SLC43A2: variants seen among roughly 807,000 people sequenced by gnomAD.
SLC43A2 encodes solute carrier family 43 member 2.
SLC43A2 carries 38 observed loss-of-function variants against 63.2 expected under a neutral mutation model. The ratio of observed to expected loss-of-function variants is 0.60; its 90% confidence interval spans 0.46 to 0.79. The LOEUF (loss-of-function observed/expected upper bound fraction) is 0.79. SLC43A2 is among the 30% of genes least tolerant of loss of function. The pLI, the probability that SLC43A2 is intolerant of heterozygous loss-of-function variation, is 0.00. For missense variants in SLC43A2, 644 were observed against 756.2 expected, an observed-to-expected ratio of 0.85 and a Z score of 1.74; for synonymous variants, 322 against 331.0, an observed-to-expected ratio of 0.97 and a Z score of 0.30.
Position 1,616,541 on chromosome 17 carries a change from C to CA in SLC43A2, c.368+20_368+21insT. ...GGGGTCCACCTGCCCACTCCCTGCC[C>CA]CCTAAGGGACCCACACTGACCTGCC... On this transcript the variant is annotated intron_variant, in intron 3 of 13. Transcript: ENST00000301335. The CA allele has an allele frequency of 1.9e-6, 3 of 1,595,276 alleles. No individual in the cohort carries two copies. In the East Asian group the frequency reaches 6.8e-5, roughly 36 times the overall value.
In SLC43A2 at chr17:1,621,311, G is replaced by A. The variant is rs554170705; in HGVS notation, c.161-4542C>T. Among the ~76,000 whole-genome samples the A allele has an allele frequency of 4.6e-5, 7 of 152,276 alleles. No homozygotes were observed. The East Asian group carries it at 9.7e-4, about 21-fold the overall frequency. ...GCTTGAGGGGGCCAAGAAGTACCTGGCTTGAGGTCCCCTCTAAATTCCTGA... is the reference window on the plus strand; with the variant it reads ...GCTTGAGGGGGCCAAGAAGTACCTGACTTGAGGTCCCCTCTAAATTCCTGA... On this transcript the variant is annotated intron_variant, in intron 2 of 13. Coordinates refer to ENST00000301335, the MANE Select transcript of SLC43A2 (RefSeq NM_152346.3).
At chr17:1,591,072 G>T in intron 8 of SLC43A2, 124 bp from the exon 9 acceptor site, 3 of 1,286,044 alleles carry the variant, frequency 2.3e-6, no homozygotes. Context: ...TGAGGGTAAC[G>T]GGGTTGGCGC....
In SLC43A2 at chr17:1,578,353, A is replaced by G. The variant is rs188015639; in HGVS notation, c.1351-30T>C. On this transcript the variant is annotated intron_variant, in intron 11 of 13. Transcript: ENST00000301335. The surrounding 1 kb of genome is among the most constrained non-coding windows in gnomAD (Gnocchi z 6.5). ...GGGAGGAAAAGGCGACTGTGGGCAT[A>G]AGGCCTTAAGGGACCGTCCCCTCAG... is the stretch of plus-strand genomic sequence containing the variant. 5 of 1,608,790 alleles carry G rather than the reference A, an allele frequency of 3.1e-6. No individual in the cohort carries two copies. Among genetic ancestry groups the G allele is most frequent in the Non-Finnish European group, 4.3e-6 (5 of 1,176,450 alleles).
Position 1,593,468 on chromosome 17 carries a change from A to T in SLC43A2, c.502-189T>A, listed in dbSNP as rs1905007004. Among the ~76,000 whole-genome samples the T allele has an allele frequency of 6.6e-6, 1 of 152,108 alleles. No individual in the cohort carries two copies. Among genetic ancestry groups the T allele is most frequent in the Admixed American group, 6.6e-5 (1 of 15,258 alleles). ...GTTTCTCCTTCATGGACTGAGGCTG[A>T]TGGGGCCAAGGAGGGAGGTAATGCA... On this transcript the variant is annotated intron_variant, in intron 5 of 13. Coordinates refer to ENST00000301335, the MANE Select transcript of SLC43A2 (RefSeq NM_152346.3). This position sits in a 1 kb window ranked among gnomAD's most constrained non-coding sequence, Gnocchi z 5.3.
rs947128056 is a variant in SLC43A2, at chr17:1,616,890, C to T, written c.161-121G>A. The T allele has an allele frequency of 3.3e-5, 38 of 1,134,476 alleles. No homozygotes were observed. The African/African-American group carries it at 3.8e-4, about 11-fold the overall frequency. 70.3% of individuals were successfully genotyped at this position (1,134,476 alleles called of 1,614,324 possible). On this transcript the variant is annotated intron_variant, in intron 2 of 13. Coordinates refer to ENST00000301335, the MANE Select transcript of SLC43A2 (RefSeq NM_152346.3). ...GAATGCCAGGGCTGGCTGGCGGCCTCTCGAGGGCTCAGGCTACCCCGCAGC... is the reference window on the plus strand; with the variant it reads ...GAATGCCAGGGCTGGCTGGCGGCCTTTCGAGGGCTCAGGCTACCCCGCAGC...
intron 2 of SLC43A2, among the ~76,000 whole-genome samples, chr17:1,620,632 G>A (rs72820357): frequency 0.24 from 36,123 of 151,934 alleles, 5,633 homozygotes; most frequent in Non-Finnish European, 0.36. Flanking sequence ...CAACAGAGGC[G>A]CCTGGGGCCG....
chr17:1,627,930 G>C lies in SLC43A2; in HGVS notation c.-46-10C>G. The C allele has an allele frequency of 7.1e-7, 1 of 1,415,972 alleles. No individual in the cohort carries two copies. Among genetic ancestry groups the C allele is most frequent in the Non-Finnish European group, 9.2e-7 (1 of 1,088,684 alleles). 87.7% of individuals were successfully genotyped at this position (1,415,972 alleles called of 1,614,324 possible). A position where few individuals can be genotyped will look rare whatever the true frequency, so the allele number is the denominator to read the frequency against. ...TCCGGCTCTGCACCACCTGCGCACAGAACTCGGCGTCAGCGGCCGGCCCTT... is the reference window on the plus strand; with the variant it reads ...TCCGGCTCTGCACCACCTGCGCACACAACTCGGCGTCAGCGGCCGGCCCTT... On this transcript the variant is annotated splice_polypyrimidine_tract_variant and intron_variant, in intron 1 of 13. Transcript: ENST00000301335.
At chr17:1,613,686 C>T (rs181211846) in intron 4 of SLC43A2, among the ~76,000 whole-genome samples, 102 of 152,334 alleles carry the variant, frequency 6.7e-4, no homozygotes, top group Non-Finnish European at 1.1e-3. Flanking sequence ...ATCTGCCGAT[C>T]TCAGCCTCCC....
rs188441638 is a variant in SLC43A2, at chr17:1,612,088, C to T, written c.501+1107G>A. On this transcript the variant is annotated intron_variant, in intron 5 of 13. Coordinates refer to ENST00000301335, the MANE Select transcript of SLC43A2 (RefSeq NM_152346.3). ...CCAGCAATTCTCCCGCCTCAGCCTC[C>T]GAGTAGCTGGGATTACAGGCATGCA... 5.4e-3 allele frequency among the ~76,000 whole-genome samples: 819 copies of T among 152,188 alleles called. 7 individuals carry two copies. Among genetic ancestry groups the T allele is most frequent in the African/African-American group, 0.019 (780 of 41,516 alleles).
At chr17:1,627,261 A>C (rs1908739824) in intron 2 of SLC43A2, among the ~76,000 whole-genome samples, 1 of 152,158 alleles carries the variant, frequency 6.6e-6, no homozygotes, top group South Asian at 2.1e-4. Context: ...TAGATTCTAG[A>C]TGAGCCCTCC....
In SLC43A2 at chr17:1,575,287, C is replaced by A; in HGVS notation, c.*317G>T. On this transcript the variant is annotated 3_prime_UTR_variant, in exon 14 of 14. Coordinates refer to ENST00000301335, the MANE Select transcript of SLC43A2 (RefSeq NM_152346.3). The stretch of plus-strand genomic sequence containing the variant: ...TTTGGCAAGAGGCAGAATCCAGACA[C>A]TGGCGGGAGAGCGCCTGCCTGCCGG... The A allele has an allele frequency of 2.2e-6, 1 of 453,274 alleles. No individual in the cohort carries two copies. The highest frequency in any genetic ancestry group is 4.0e-6 in the Non-Finnish European group (1 of 248,870). 28.1% of individuals were successfully genotyped at this position (453,274 alleles called of 1,614,324 possible).
intron 2 of SLC43A2, among the ~76,000 whole-genome samples, chr17:1,618,160 C>T (rs1907849019): frequency 1.3e-5 from 2 of 152,244 alleles, no homozygotes; most frequent in Admixed American, 1.3e-4. Flanking sequence ...TGGACTCGTG[C>T]TTCATGCCAA....
Position 1,616,721 on chromosome 17 carries a change from T to G in SLC43A2, c.209A>C (p.Glu70Ala). 1 of 1,614,138 alleles carries G rather than the reference T, an allele frequency of 6.2e-7. No homozygotes were observed. Residue 70 changes from glutamate (E) to alanine (A), a missense_variant, in exon 3 of 14, where the codon GAG (glutamate) becomes GCG (alanine). Physicochemically the swap from Glu to Ala is moderately radical, Grantham distance 107. Around this residue, in one of 3 missense-constraint regions of SLC43A2, gnomAD observed 528 missense variants for 623.6 expected, o/e 0.85. Transcript: ENST00000301335. ...CCAGCCGTTCATCCAGCTCACCTCC[T>G]CGTGCCCCGGCTCTGCTGTGCCGCC... ...TVGGTAEPGH[E>A]EVSWMNGWLS...
At chr17:1,599,564 G>T (rs1174252739) in intron 5 of SLC43A2, among the ~76,000 whole-genome samples, 1 of 151,738 alleles carries the variant, frequency 6.6e-6, no homozygotes, top group African/African-American at 2.4e-5. Flanking sequence ...AGCTGGGCGT[G>T]GTGGCAGGCA....
intron 3 of SLC43A2, among the ~76,000 whole-genome samples, chr17:1,615,568 GCA>G: frequency 6.7e-6 from 1 of 150,212 alleles, no homozygotes. Flanking sequence ...TAGGGGCCAG[GCA>G]CGATGGCTCA....
intron 5 of SLC43A2, among the ~76,000 whole-genome samples, chr17:1,602,828 G>A (rs183900026): frequency 1.2e-3 from 173 of 142,168 alleles, no homozygotes; most frequent in African/African-American, 3.6e-3. Context: ...GTGCAATCTC[G>A]GCTCACCGCA....
At chr17:1,617,493 C>G (rs1361463640) in intron 2 of SLC43A2, among the ~76,000 whole-genome samples, 3 of 152,076 alleles carry the variant, frequency 2.0e-5, no homozygotes, top group African/African-American at 7.2e-5. Flanking sequence ...CGGGTTCAAG[C>G]AATTCTCCTG....
At chr17:1,588,825 C>T (rs1904469916) in intron 9 of SLC43A2, among the ~76,000 whole-genome samples, 1 of 152,222 alleles carries the variant, frequency 6.6e-6, no homozygotes. Flanking sequence ...AGCAGAGTCA[C>T]CGGTCAGCGG....
chr17:1,574,408 G>A lies in SLC43A2; in HGVS notation c.*1196C>T, dbSNP rs1030934955. ...ATGCCAGAAGGGGCATCCCTTACCCGGAGGAAAATGGATTTATTGCTTTAT... is the reference window on the plus strand; with the variant it reads ...ATGCCAGAAGGGGCATCCCTTACCCAGAGGAAAATGGATTTATTGCTTTAT... On this transcript the variant is annotated 3_prime_UTR_variant, in exon 14 of 14. Coordinates refer to ENST00000301335, the MANE Select transcript of SLC43A2 (RefSeq NM_152346.3). 2.0e-5 allele frequency: 3 copies of A among 152,610 alleles called. No individual in the cohort carries two copies. Among genetic ancestry groups the A allele is most frequent in the Admixed American group, 6.5e-5 (1 of 15,282 alleles). The allele number at this position is 152,610 out of a possible 1,614,324, so 9.5% of individuals were successfully genotyped here.
Sources: gnomAD v4.1 joint callset for allele counts (sites outside exome capture counted in the v4.1 genomes callset) on GRCh38, gnomAD v4.1.1 for gene constraint, gnomAD v4.1.1 regional missense constraint, Gnocchi (gnomAD v3.1) non-coding constraint, MANE v1.5 for transcripts, NCBI Gene and HGNC (gene_info 2026-07-23, HGNC 2026-07-21) for gene names.